The following CCDC141 variants were observed in gnomAD, a reference collection of about 807,000 sequenced individuals.
The protein encoded by CCDC141 is coiled-coil domain containing 141.
CCDC141 carries 168 observed loss-of-function variants against 181.0 expected under a neutral mutation model. The ratio of observed to expected loss-of-function variants is 0.93; its 90% CI spans 0.82 to 1.05. CCDC141 has a LOEUF of 1.05. Among genes scored for constraint, CCDC141 ranks in the 50% least tolerant of loss-of-function variants. The pLI, the probability that CCDC141 is intolerant of heterozygous loss-of-function variation, is 0.00. For missense variants in CCDC141, 1,902 were observed against 1,788.5 expected, an observed-to-expected ratio of 1.06 and a Z score of -1.14; for synonymous variants, 666 against 642.3, an observed-to-expected ratio of 1.04 and a Z score of -0.56.
chr2:178,918,970 C>T (rs1003135177), intron 6 of CCDC141, 63 bp from the exon 7 acceptor site: 3 of 1,380,854 alleles, frequency 2.2e-6, no homozygotes, highest in South Asian at 1.4e-5. Context: ...TGCTTGTGTC[C>T]CCCCGAAATT....
chr2:178,987,867 G>C (rs112140489), intron 2 of CCDC141, among the ~76,000 whole-genome samples: 10,128 of 148,620 alleles, frequency 0.068, 445 homozygotes, highest in African/African-American at 0.19. Flanking sequence ...TTACACTGTT[G>C]GTGGGACTGT....
At chr2:179,049,771 T>G (rs914224663) in intron 1 of CCDC141, 69 bp downstream of exon 1, 6 of 1,508,142 alleles carry the variant, frequency 4.0e-6, no homozygotes, top group African/African-American at 1.4e-5. Context: ...GCATGGAATG[T>G]TCTTTAGGGT....
intron 7 of CCDC141, among the ~76,000 whole-genome samples, chr2:178,908,472 G>A (rs1688079462): frequency 6.6e-6 from 1 of 152,170 alleles, no homozygotes; most frequent in Non-Finnish European, 1.5e-5. Flanking sequence ...GATTACAGGT[G>A]TGAGCCACCG....
intron 19 of CCDC141, among the ~76,000 whole-genome samples, chr2:178,854,595 G>A (rs1279037548): frequency 6.6e-6 from 1 of 152,208 alleles, no homozygotes; most frequent in Non-Finnish European, 1.5e-5. Context: ...CTTATGCAGG[G>A]TGAGAAATAG....
chr2:178,894,356 A>G (rs1687308759), intron 8 of CCDC141, among the ~76,000 whole-genome samples: 1 of 152,184 alleles, frequency 6.6e-6, no homozygotes, highest in Non-Finnish European at 1.5e-5. Flanking sequence ...CTCCCACTCC[A>G]AATGAGAGTG....
chr2:178,863,019 T>TA (rs982293855), intron 17 of CCDC141, among the ~76,000 whole-genome samples: 4 of 151,858 alleles, frequency 2.6e-5, no homozygotes, highest in African/African-American at 4.8e-5. Flanking sequence ...GAGGAAAGCA[T>TA]AAAAAAAAGA....
rs1426502158 is a variant in CCDC141, at chr2:178,869,253, C to A, written c.2258G>T (p.Gly753Val). Residue 753 changes from glycine to valine, a missense_variant, in exon 15 of 24, where the codon GGC (glycine) becomes GTC (valine). Physicochemically the swap from Gly to Val is moderately radical, Grantham distance 109. Transcript: ENST00000443758. ...YIMKESEELT[G>V]RGAPVKEKSQ... is the part of the protein sequence containing the mutation. ...CTTTTCTTTTACAGGGGCTCCTCTGCCAGTTAACTCCTCTGATTCTTTCAT... is the reference window on the plus strand; with the variant it reads ...CTTTTCTTTTACAGGGGCTCCTCTGACAGTTAACTCCTCTGATTCTTTCAT... The A allele has an allele frequency of 3.1e-6, 5 of 1,613,336 alleles. No individual in the cohort carries two copies. The South Asian group carries it at 3.3e-5, about 11-fold the overall frequency.
chr2:179,005,180 C>T (rs760658137), intron 2 of CCDC141, among the ~76,000 whole-genome samples: 5 of 152,120 alleles, frequency 3.3e-5, no homozygotes, highest in Non-Finnish European at 1.5e-5. Context: ...TTCAACTACA[C>T]ATGATTAATT....
intron 17 of CCDC141, among the ~76,000 whole-genome samples, chr2:178,860,456 C>G (rs1298268689): frequency 6.7e-6 from 1 of 149,962 alleles, no homozygotes; most frequent in South Asian, 2.1e-4. Context: ...TTGCTTGAAC[C>G]CGGGAGGCAG....
chr2:179,041,471 T>G (rs915470081), intron 2 of CCDC141, among the ~76,000 whole-genome samples: 1 of 151,092 alleles, frequency 6.6e-6, no homozygotes, highest in African/African-American at 2.4e-5. Flanking sequence ...TTGCCTATTA[T>G]TTAATCGGGT....
chr2:178,890,340 G>A (rs1033238149), intron 8 of CCDC141, among the ~76,000 whole-genome samples: 1 of 152,058 alleles, frequency 6.6e-6, no homozygotes, highest in African/African-American at 2.4e-5. Context: ...TTCCAGTTAG[G>A]GGCTATTTTA....
At chr2:179,030,892 G>A (rs1276696054) in intron 2 of CCDC141, among the ~76,000 whole-genome samples, 7 of 151,690 alleles carry the variant, frequency 4.6e-5, no homozygotes, top group South Asian at 2.1e-4. Context: ...CACAATTTTC[G>A]TTTTCAGGCT....
intron 2 of CCDC141, among the ~76,000 whole-genome samples, chr2:178,994,483 C>A (rs1274340304): frequency 6.6e-6 from 1 of 152,174 alleles, no homozygotes; most frequent in Non-Finnish European, 1.5e-5. Context: ...GCACATTGAC[C>A]CTGGGCCTGG....
chr2:178,932,341 C>A (rs1689133028), intron 6 of CCDC141, among the ~76,000 whole-genome samples: 1 of 152,080 alleles, frequency 6.6e-6, no homozygotes, highest in Non-Finnish European at 1.5e-5. Flanking sequence ...CAGAAGTAAG[C>A]AGAGATGCTC....
At chr2:179,024,013 G>C (rs1199928486) in intron 2 of CCDC141, among the ~76,000 whole-genome samples, 2 of 152,240 alleles carry the variant, frequency 1.3e-5, no homozygotes, top group Non-Finnish European at 2.9e-5. Flanking sequence ...AAACACAGTA[G>C]AGAAAGACAG....
At chr2:178,910,471 G>T (rs1688173288) in intron 7 of CCDC141, among the ~76,000 whole-genome samples, 1 of 152,138 alleles carries the variant, frequency 6.6e-6, no homozygotes, top group Non-Finnish European at 1.5e-5. Flanking sequence ...TCTAATTAGT[G>T]CTTCTAATTA....
At chr2:178,946,098 T>G (rs1689721782) in intron 5 of CCDC141, among the ~76,000 whole-genome samples, 1 of 152,202 alleles carries the variant, frequency 6.6e-6, no homozygotes, top group Non-Finnish European at 1.5e-5. Flanking sequence ...AAAATAATAC[T>G]GGTGACCTTA....
chr2:178,871,074 C>T (rs1277921968), intron 14 of CCDC141, among the ~76,000 whole-genome samples: 4 of 152,046 alleles, frequency 2.6e-5, no homozygotes, highest in Admixed American at 1.3e-4. Flanking sequence ...GGTTGCCCAT[C>T]CTTGTTCTGA....
intron 11 of CCDC141, among the ~76,000 whole-genome samples, chr2:178,878,458 C>T (rs1367365117): frequency 6.7e-6 from 1 of 149,250 alleles, no homozygotes; most frequent in African/African-American, 2.5e-5. Context: ...ACTATAGGCA[C>T]CCGGCACCAG....
Sources: allele counts gnomAD v4.1 joint callset (sites outside exome capture counted in the v4.1 genomes callset), GRCh38; gene constraint gnomAD v4.1.1; transcripts MANE v1.5; gene names NCBI Gene and HGNC (gene_info 2026-07-23, HGNC 2026-07-21).